The following LRRC4C variants were observed in gnomAD, a reference collection of about 807,000 sequenced individuals.
LRRC4C encodes the protein leucine-rich repeat-containing protein 4C.
In LRRC4C, 5 loss-of-function variants were observed where a neutral mutation model predicts 33.6. That is an observed-to-expected ratio of 0.15 (90% CI 0.08 to 0.31). The LOEUF (loss-of-function observed/expected upper bound fraction) is 0.31, where lower values mean the gene tolerates loss of function less well. Among genes scored for constraint, LRRC4C ranks in the 10% least tolerant of loss-of-function variants. The pLI is 1.00. For synonymous variants in LRRC4C, 329 were observed against 302.0 expected (o/e 1.09, Z -0.93); for missense variants, 560 against 796.7 (o/e 0.70, Z 3.58).
intron 1 of LRRC4C, among the ~76,000 whole-genome samples, chr11:41,268,394 T>C (rs967578056): frequency 2.6e-5 from 4 of 152,118 alleles, no homozygotes; most frequent in Admixed American, 2.0e-4. Flanking sequence ...AATTGTGAGA[T>C]AATAAATGTG....
At chr11:41,427,673 C>A (rs770085641) in intron 1 of LRRC4C, among the ~76,000 whole-genome samples, 7 of 152,124 alleles carry the variant, frequency 4.6e-5, no homozygotes, top group Non-Finnish European at 7.4e-5. Context: ...AGGAAAGTGT[C>A]CGGCCTCTGA....
At chr11:41,427,223 G>T (rs1393775418) in intron 1 of LRRC4C, among the ~76,000 whole-genome samples, 1 of 151,792 alleles carries the variant, frequency 6.6e-6, no homozygotes, top group Non-Finnish European at 1.5e-5. Flanking sequence ...TAGAGTTCTG[G>T]AAGTTTATTA....
intron 1 of LRRC4C, among the ~76,000 whole-genome samples, chr11:41,080,702 A>T (rs1408915621): frequency 1.3e-5 from 2 of 152,160 alleles, no homozygotes; most frequent in Non-Finnish European, 2.9e-5. Context: ...TTTCAAAAAA[A>T]ATTATCACTA....
intron 2 of LRRC4C, among the ~76,000 whole-genome samples, chr11:40,708,726 G>C (rs1379195306): frequency 6.6e-6 from 1 of 152,134 alleles, no homozygotes; most frequent in Non-Finnish European, 1.5e-5. Flanking sequence ...TATTAGGTCT[G>C]CTTGGTGTAG....
intron 3 of LRRC4C, among the ~76,000 whole-genome samples, chr11:40,343,011 A>AT (rs1010089865): frequency 2.6e-5 from 4 of 151,764 alleles, no homozygotes; most frequent in African/African-American, 2.4e-5. Context: ...TTGCTACCGC[A>AT]TTTTTTTATT....
chr11:40,641,014 T>C (rs1315020569), intron 3 of LRRC4C, among the ~76,000 whole-genome samples: 1 of 4,118 alleles, frequency 2.4e-4, no homozygotes, highest in Admixed American at 2.0e-3. Context: ...AGAGTCCATC[T>C]CAAAAAAAAA....
intron 1 of LRRC4C, among the ~76,000 whole-genome samples, chr11:40,950,094 A>G (rs989746152): frequency 6.6e-6 from 1 of 152,036 alleles, no homozygotes; most frequent in Admixed American, 6.6e-5. Context: ...GTAGAGAAAT[A>G]AAAACATCTC....
chr11:40,482,204 T>C (rs189265945), intron 3 of LRRC4C, among the ~76,000 whole-genome samples: 2 of 152,260 alleles, frequency 1.3e-5, no homozygotes, highest in Admixed American at 1.3e-4. Flanking sequence ...CAAAGAGTCA[T>C]CACATGGATT....
At chr11:41,414,701 T>C (rs981269459) in intron 1 of LRRC4C, among the ~76,000 whole-genome samples, 1 of 151,836 alleles carries the variant, frequency 6.6e-6, no homozygotes, top group Non-Finnish European at 1.5e-5. Flanking sequence ...GGGAGAGAAG[T>C]GGGGAGTAAA....
intron 1 of LRRC4C, among the ~76,000 whole-genome samples, chr11:41,278,004 G>C (rs957922206): frequency 6.6e-6 from 1 of 152,030 alleles, no homozygotes; most frequent in Non-Finnish European, 1.5e-5. Flanking sequence ...GCAGTAGAGA[G>C]TACAATGGTG....
chr11:41,415,883 C>A (rs888200680), intron 1 of LRRC4C, among the ~76,000 whole-genome samples: 11 of 152,064 alleles, frequency 7.2e-5, no homozygotes, highest in African/African-American at 2.7e-4. Flanking sequence ...TGAGCTCTTT[C>A]TGTGCACTGT....
At chr11:40,544,317 T>C (rs564876226) in intron 3 of LRRC4C, among the ~76,000 whole-genome samples, 1 of 152,110 alleles carries the variant, frequency 6.6e-6, no homozygotes, top group East Asian at 1.9e-4. Context: ...GCTAAGGCAT[T>C]TGGGATTTAA....
chr11:40,442,161 T>G (rs1434280582), intron 3 of LRRC4C, among the ~76,000 whole-genome samples: 1 of 14,834 alleles, frequency 6.7e-5, no homozygotes, highest in Non-Finnish European at 1.1e-4. Flanking sequence ...AGACTCCATT[T>G]CAAAAAAAAA....
At chr11:41,169,402 T>A (rs1286156177) in intron 1 of LRRC4C, among the ~76,000 whole-genome samples, 1 of 152,250 alleles carries the variant, frequency 6.6e-6, no homozygotes, top group East Asian at 1.9e-4. Context: ...TGGTATCCTG[T>A]AGTACTAGGA....
intron 1 of LRRC4C, among the ~76,000 whole-genome samples, chr11:41,383,013 C>G (rs1005188077): frequency 1.3e-5 from 2 of 152,034 alleles, no homozygotes; most frequent in Non-Finnish European, 2.9e-5. Flanking sequence ...CTTAGGTTCA[C>G]CTTAGGGCAG....
At chr11:40,254,389 A>T (rs1867035495) in intron 4 of LRRC4C, among the ~76,000 whole-genome samples, 1 of 152,220 alleles carries the variant, frequency 6.6e-6, no homozygotes, top group African/African-American at 2.4e-5. Flanking sequence ...GCAGAATGAT[A>T]AAGCTAGACA....
chr11:41,333,383 T>C (rs535939215), intron 1 of LRRC4C, among the ~76,000 whole-genome samples: 3 of 152,188 alleles, frequency 2.0e-5, no homozygotes, highest in Admixed American at 6.5e-5. Context: ...AGATCAATAA[T>C]AAGGCTTTCA....
chr11:40,741,236 A>T (rs750226061), intron 2 of LRRC4C, among the ~76,000 whole-genome samples: 2 of 152,106 alleles, frequency 1.3e-5, no homozygotes, highest in Admixed American at 6.6e-5. Context: ...AAGATTGTGT[A>T]TTAACACATT....
At chr11:40,457,160 T>A (rs1952174866) in intron 3 of LRRC4C, among the ~76,000 whole-genome samples, 1 of 151,334 alleles carries the variant, frequency 6.6e-6, no homozygotes, top group African/African-American at 2.4e-5. Flanking sequence ...GCAATTTTTT[T>A]TAAAAAAAAG....
Sources: gnomAD v4.1 joint callset for allele counts (sites outside exome capture counted in the v4.1 genomes callset) on GRCh38, gnomAD v4.1.1 for gene constraint, MANE v1.5 for transcripts, NCBI Gene and HGNC (gene_info 2026-07-23, HGNC 2026-07-21) for gene names.